ATP8A2: variants seen among roughly 807,000 people sequenced by gnomAD.
The protein encoded by ATP8A2 is phospholipid-transporting ATPase IB.
In ATP8A2, 100 loss-of-function variants were observed where a neutral mutation model predicts 165.6. The observed-to-expected ratio is 0.60, with a 90% CI of 0.51 to 0.71. The LOEUF is 0.71. Ranked by LOEUF, ATP8A2 falls within the 30% of genes least tolerant of loss-of-function variation. ATP8A2 has a pLI of 0.00. For missense variants in ATP8A2, 1,227 were observed against 1,479.5 expected (o/e 0.83, Z 2.80); for synonymous variants, 543 against 548.8 (o/e 0.99, Z 0.15).
intron 24 of ATP8A2, chr13:25,591,465 T>C (rs565834414): frequency 7.2e-6 from 3 of 418,836 alleles, no homozygotes; most frequent in East Asian, 1.4e-4. Context: ...GGTTCATCCA[T>C]ATCGGACCAT....
intron 24 of ATP8A2, among the ~76,000 whole-genome samples, chr13:25,689,865 T>C (rs1490047966): frequency 1.3e-5 from 2 of 152,100 alleles, no homozygotes; most frequent in Non-Finnish European, 2.9e-5. Context: ...ATAATTTTCT[T>C]TTAGGAAAAA....
At chr13:25,548,985 T>C (rs2038735599) in intron 10 of ATP8A2, among the ~76,000 whole-genome samples, 1 of 152,238 alleles carries the variant, frequency 6.6e-6, no homozygotes, top group African/African-American at 2.4e-5. Context: ...TTTCACATTG[T>C]GACTTTATTT....
At chr13:25,396,334 G>T (rs932834441) in intron 1 of ATP8A2, among the ~76,000 whole-genome samples, 6 of 152,338 alleles carry the variant, frequency 3.9e-5, no homozygotes, top group African/African-American at 1.4e-4. Flanking sequence ...TACACAGAAA[G>T]AGGAAAAGTT....
At chr13:25,376,124 T>A (rs77849404) in intron 1 of ATP8A2, among the ~76,000 whole-genome samples, 1 of 135,168 alleles carries the variant, frequency 7.4e-6, no homozygotes, top group Non-Finnish European at 1.6e-5. Context: ...GAAAAAAAAA[T>A]TCGGAGAAAT....
chr13:25,493,280 ATGT>A (rs1282789137), intron 2 of ATP8A2, among the ~76,000 whole-genome samples: 1 of 152,026 alleles, frequency 6.6e-6, no homozygotes, highest in Non-Finnish European at 1.5e-5. Context: ...CTTGGTGGTG[ATGT>A]TACTATTTTA....
intron 2 of ATP8A2, among the ~76,000 whole-genome samples, chr13:25,519,056 C>A (rs61948598): frequency 0.038 from 5,791 of 152,278 alleles, 139 homozygotes; most frequent in Non-Finnish European, 0.05. Flanking sequence ...TACTTCTCCA[C>A]CTCCGTTTGC....
chr13:25,711,008 T>C (rs1377828546), intron 25 of ATP8A2, among the ~76,000 whole-genome samples: 1 of 151,928 alleles, frequency 6.6e-6, no homozygotes, highest in Non-Finnish European at 1.5e-5. Flanking sequence ...CCTCTAGGTA[T>C]TTTTTTTGTT....
At chr13:25,476,739 A>C (rs2036005990) in intron 2 of ATP8A2, among the ~76,000 whole-genome samples, 1 of 152,260 alleles carries the variant, frequency 6.6e-6, no homozygotes, top group Non-Finnish European at 1.5e-5. Flanking sequence ...AAACAGTCTC[A>C]AGATTTTCCT....
chr13:25,494,002 C>T (rs2036600234), intron 2 of ATP8A2, among the ~76,000 whole-genome samples: 1 of 152,054 alleles, frequency 6.6e-6, no homozygotes, highest in Admixed American at 6.5e-5. Context: ...TGAATCACGT[C>T]CACTCTAAAG....
At chr13:25,439,613 T>TA (rs2034875824) in intron 1 of ATP8A2, among the ~76,000 whole-genome samples, 1 of 152,176 alleles carries the variant, frequency 6.6e-6, no homozygotes, top group Non-Finnish European at 1.5e-5. Context: ...ATGTTTTCTA[T>TA]GTAAATGTTA....
At chr13:25,738,519 A>G (rs1403192188) in intron 25 of ATP8A2, among the ~76,000 whole-genome samples, 2 of 152,228 alleles carry the variant, frequency 1.3e-5, no homozygotes, top group Non-Finnish European at 2.9e-5. Context: ...AAGGAGGTGG[A>G]GAGCGAGCAG....
At chr13:25,827,297 A>G (rs780311814) in intron 27 of ATP8A2, among the ~76,000 whole-genome samples, 7 of 152,122 alleles carry the variant, frequency 4.6e-5, no homozygotes, top group East Asian at 1.9e-4. Flanking sequence ...TTTTCAGTAG[A>G]GATGGGGTTT....
At chr13:25,376,932 T>C (rs1443795376) in intron 1 of ATP8A2, among the ~76,000 whole-genome samples, 1 of 152,200 alleles carries the variant, frequency 6.6e-6, no homozygotes, top group African/African-American at 2.4e-5. Flanking sequence ...CATCCTGTAG[T>C]GGCTCTGAAG....
chr13:25,651,237 G>A (rs1047565505), intron 24 of ATP8A2, among the ~76,000 whole-genome samples: 22 of 152,134 alleles, frequency 1.4e-4, no homozygotes, highest in Admixed American at 6.5e-4. Context: ...GAGGTCAAGA[G>A]ATCGAGACCA....
At chr13:25,610,472 A>G (rs1198930555) in intron 24 of ATP8A2, among the ~76,000 whole-genome samples, 3 of 152,082 alleles carry the variant, frequency 2.0e-5, no homozygotes, top group Non-Finnish European at 2.9e-5. Flanking sequence ...TCATTGGTCT[A>G]TGTGCCTATT....
intron 13 of ATP8A2, 39 bp from the exon 14 acceptor site, chr13:25,558,934 A>G (rs769570216): frequency 2.2e-6 from 3 of 1,384,126 alleles, no homozygotes; most frequent in Admixed American, 3.7e-5. Context: ...TTGCATCTCA[A>G]TACTTCCTGA....
chr13:26,004,942 A>AT (rs58429465), intron 35 of ATP8A2, among the ~76,000 whole-genome samples: 149,621 of 151,878 alleles, frequency 0.99, 73,736 homozygotes, highest in East Asian at 1. Context: ...TTAGCCTGTA[A>AT]TTTTTTTTCT....
At chr13:25,676,461 C>T (rs906506921) in intron 24 of ATP8A2, among the ~76,000 whole-genome samples, 1 of 152,134 alleles carries the variant, frequency 6.6e-6, no homozygotes, top group African/African-American at 2.4e-5. Flanking sequence ...AGGGTAACAT[C>T]TAATTGAGTT....
intron 2 of ATP8A2, among the ~76,000 whole-genome samples, chr13:25,480,731 G>T (rs1478707250): frequency 6.6e-6 from 1 of 151,002 alleles, no homozygotes; most frequent in Non-Finnish European, 1.5e-5. Flanking sequence ...AGGCAGAGAC[G>T]CTCCTCACTT....
Sources: allele counts gnomAD v4.1 joint callset (sites outside exome capture counted in the v4.1 genomes callset), GRCh38; gene constraint gnomAD v4.1.1; transcripts MANE v1.5; gene names NCBI Gene and HGNC (gene_info 2026-07-23, HGNC 2026-07-21).